The following GLYATL3 variants were observed in gnomAD, a reference collection of about 807,000 sequenced individuals.
The protein encoded by GLYATL3 is glycine N-acyltransferase-like protein 3.
A neutral mutation model predicts 28.5 loss-of-function variants in GLYATL3; 31 were observed. The ratio of observed to expected loss-of-function variants is 1.09; its 90% CI spans 0.82 to 1.47. The LOEUF is 1.47. GLYATL3 is among the 40% of genes most tolerant of loss of function. GLYATL3 has a pLI of 0.00. For synonymous variants in GLYATL3, 141 were observed against 140.2 expected (o/e 1.01, Z -0.04); for missense variants, 369 against 351.5 (o/e 1.05, Z -0.40).
In GLYATL3 at chr6:49,500,034, T is replaced by A. The variant is rs900846518; in HGVS notation, c.-37T>A. 2 of 152,074 alleles carry A rather than the reference T, an allele frequency of 1.3e-5. No homozygotes were observed. The highest frequency in any genetic ancestry group is 2.9e-5 in the Non-Finnish European group (2 of 68,012). The allele number at this position is 152,074 out of a possible 1,614,324, so 9.4% of individuals were successfully genotyped here. A position where few individuals can be genotyped will look rare whatever the true frequency, so the allele number is the denominator to read the frequency against. ...GAAAACCCTCAGTTCTGGACTGAAC[T>A]CCCAGCAGGTAAACATTTATTCATT... On this transcript the variant is annotated 5_prime_UTR_variant, in exon 1 of 6. Transcript: ENST00000371197.
At chr6:49,522,674 C>T (rs1292064058) in intron 5 of GLYATL3, among the ~76,000 whole-genome samples, 3 of 152,096 alleles carry the variant, frequency 2.0e-5, no homozygotes, top group Non-Finnish European at 4.4e-5. Context: ...CCCACCTCAA[C>T]GAATGTTAAT....
Position 49,527,883 on chromosome 6 carries a change from A to G in GLYATL3, c.*969A>G, listed in dbSNP as rs910655262. Reference sequence around the variant, plus strand: ...AATTTTGATAAGATAATAAATTTTAACCCTTTGATTACATATGAAAAATTT... The same window carrying G: ...AATTTTGATAAGATAATAAATTTTAGCCCTTTGATTACATATGAAAAATTT... On this transcript the variant is annotated 3_prime_UTR_variant, in exon 6 of 6. Coordinates refer to ENST00000371197, the MANE Select transcript of GLYATL3 (RefSeq NM_001010904.2). Among the ~76,000 whole-genome samples the G allele has an allele frequency of 1.3e-5, 2 of 152,120 alleles. No individual in the cohort carries two copies. Among genetic ancestry groups the G allele is most frequent in the Admixed American group, 6.6e-5 (1 of 15,266 alleles).
chr6:49,512,106 T>A, intron 2 of GLYATL3, 38 bp downstream of exon 2: 1 of 928,288 alleles, frequency 1.1e-6, no homozygotes, highest in Non-Finnish European at 1.7e-6. Flanking sequence ...ATTTCTTTAT[T>A]GTGTTAATCT....
intron 4 of GLYATL3, among the ~76,000 whole-genome samples, chr6:49,518,289 G>A (rs938161657): frequency 5.9e-5 from 9 of 152,224 alleles, no homozygotes; most frequent in African/African-American, 1.9e-4. Flanking sequence ...GGAGATAACG[G>A]CATGGCCATC....
At chr6:49,520,880 A>T (rs774182980) in intron 4 of GLYATL3, among the ~76,000 whole-genome samples, 3 of 152,170 alleles carry the variant, frequency 2.0e-5, no homozygotes, top group African/African-American at 7.2e-5. Context: ...AACTTAAAAA[A>T]TAAATCAGCC....
At chr6:49,507,172 G>C (rs1441753369) in intron 1 of GLYATL3, among the ~76,000 whole-genome samples, 3 of 152,066 alleles carry the variant, frequency 2.0e-5, no homozygotes, top group South Asian at 2.1e-4. Flanking sequence ...ACTAGTAGGG[G>C]GGTCAGCTAC....
At chr6:49,506,470 A>G (rs1363330444) in intron 1 of GLYATL3, among the ~76,000 whole-genome samples, 1 of 152,182 alleles carries the variant, frequency 6.6e-6, no homozygotes, top group East Asian at 1.9e-4. Context: ...GATGGAAGGT[A>G]TAGTGAAAGC....
chr6:49,523,819 C>T (rs1769356766), intron 5 of GLYATL3, among the ~76,000 whole-genome samples: 2 of 152,136 alleles, frequency 1.3e-5, no homozygotes, highest in Admixed American at 1.3e-4. Flanking sequence ...AGTTCCCCTT[C>T]ATCTTTATTT....
At position 49,512,701 on chromosome 6, in the gene GLYATL3, C is replaced by T. The variant is rs183066158; in HGVS notation, c.78+633C>T. On this transcript the variant is annotated intron_variant, in intron 2 of 5. Coordinates refer to ENST00000371197, the MANE Select transcript of GLYATL3 (RefSeq NM_001010904.2). ...CTGAATTTCTTGAGCAAGGAGACTG[C>T]CCTATGCCTGGTTTTCAAATGTGAG... Among the ~76,000 whole-genome samples the T allele has an allele frequency of 2.0e-5, 3 of 152,240 alleles. No individual in the cohort carries two copies. The East Asian group carries it at 5.8e-4, about 29-fold the overall frequency.
In GLYATL3 at chr6:49,527,871, T is replaced by C. The variant is rs1032019954; in HGVS notation, c.*957T>C. ...ATATACTCATAGAATTTTGATAAGA[T>C]AATAAATTTTAACCCTTTGATTACA... On this transcript the variant is annotated 3_prime_UTR_variant, in exon 6 of 6. Coordinates refer to ENST00000371197, the MANE Select transcript of GLYATL3 (RefSeq NM_001010904.2). 3.9e-5 allele frequency among the ~76,000 whole-genome samples: 6 copies of C among 152,242 alleles called. No homozygotes were observed. The highest frequency in any genetic ancestry group is 2.1e-4 in the South Asian group (1 of 4,828).
At chr6:49,521,601 C>T (rs1409718988) in intron 4 of GLYATL3, 44 bp from the exon 5 acceptor site, 5 of 1,501,952 alleles carry the variant, frequency 3.3e-6, no homozygotes, top group Admixed American at 2.4e-5. Context: ...TTTGCTTTTT[C>T]AACTAAAATG....
intron 1 of GLYATL3, among the ~76,000 whole-genome samples, chr6:49,507,354 C>A (rs1769028786): frequency 6.6e-6 from 1 of 151,990 alleles, no homozygotes; most frequent in African/African-American, 2.4e-5. Context: ...CAACTCTATC[C>A]CAGTCTAACA....
rs1250869516 is a variant in GLYATL3 at position 49,526,760 on chromosome 6, T to C, written c.713T>C (p.Leu238Ser). Residue 238 changes from leucine (L) to serine (S), a missense_variant, in exon 6 of 6, where the codon TTG becomes TCG. Leu to Ser is a moderately radical substitution (Grantham distance 145). Transcript: ENST00000371197. Reference sequence around the variant, plus strand: ...GTGGCCCTCACGCTGGCCAGGAAGTTGCAAAGCCGGGGATTCCCCTCTCAG... The same window carrying C: ...GTGGCCCTCACGCTGGCCAGGAAGTCGCAAAGCCGGGGATTCCCCTCTCAG... The part of the protein sequence containing the change: ...RLVALTLARK[L>S]QSRGFPSQGN... 35 of 1,551,650 alleles carry C rather than the reference T, an allele frequency of 2.3e-5. No homozygotes were observed. The highest frequency in any genetic ancestry group is 3.0e-5 in the Non-Finnish European group (34 of 1,147,016).
chr6:49,524,927 C>A (rs551350613), intron 5 of GLYATL3, among the ~76,000 whole-genome samples: 1 of 147,316 alleles, frequency 6.8e-6, no homozygotes, highest in Non-Finnish European at 1.5e-5. Context: ...TTGCAGTGAG[C>A]CACTGCACTC....
rs1769453667 is a variant in GLYATL3 at position 49,527,965 on chromosome 6, G to A, written c.*1051G>A. On this transcript the variant is annotated 3_prime_UTR_variant, in exon 6 of 6. Transcript: ENST00000371197. ...GATTATATTCTTTATAATCAGTACTGGAGGCAAAGCCAGAATGCTGCCATT... is the reference window on the plus strand; with the variant it reads ...GATTATATTCTTTATAATCAGTACTAGAGGCAAAGCCAGAATGCTGCCATT... Among the ~76,000 whole-genome samples the A allele has an allele frequency of 6.6e-6, 1 of 152,010 alleles. No homozygotes were observed. Among genetic ancestry groups the A allele is most frequent in the South Asian group, 2.1e-4 (1 of 4,820 alleles).
At chr6:49,515,576 AC>A in intron 2 of GLYATL3, 76 bp from the exon 3 acceptor site, 1 of 796,798 alleles carries the variant, frequency 1.3e-6, no homozygotes, top group Non-Finnish European at 2.2e-6. Flanking sequence ...ACACAGTAGA[AC>A]AAGAGGTAAA....
intron 5 of GLYATL3, among the ~76,000 whole-genome samples, chr6:49,525,093 A>ATTTTTTTTTTTT (rs10630585): frequency 2.1e-5 from 3 of 141,354 alleles, no homozygotes; most frequent in Non-Finnish European, 3.0e-5. Flanking sequence ...ATTCTAAAAC[A>ATTTTTTTTTTTT]TTTTTTTTTT....
chr6:49,526,211 C>T (rs886682525), intron 5 of GLYATL3, among the ~76,000 whole-genome samples: 1 of 152,096 alleles, frequency 6.6e-6, no homozygotes, highest in African/African-American at 2.4e-5. Flanking sequence ...GTCAGGAGTT[C>T]GAGAACAGCC....
At chr6:49,509,677 G>A (rs1005363935) in intron 1 of GLYATL3, among the ~76,000 whole-genome samples, 1 of 152,178 alleles carries the variant, frequency 6.6e-6, no homozygotes, top group Non-Finnish European at 1.5e-5. Context: ...AGTTCTTTTT[G>A]CTGCTCTATG....
Sources: gnomAD v4.1 joint callset for allele counts (sites outside exome capture counted in the v4.1 genomes callset) on GRCh38, gnomAD v4.1.1 for gene constraint, MANE v1.5 for transcripts, NCBI Gene and HGNC (gene_info 2026-07-23, HGNC 2026-07-21) for gene names.